ZFX: variants seen among roughly 807,000 people sequenced by gnomAD.
The protein encoded by ZFX is zinc finger X-chromosomal protein.
For missense variants in ZFX, 362 were observed against 628.3 expected (o/e 0.58, Z 4.53); for synonymous variants, 196 against 226.8 (o/e 0.86, Z 1.22).
At chrX:24,150,438 C>T (rs1049455304) in intron 1 of ZFX, 2 of 112,567 alleles carry the variant, frequency 1.8e-5, no homozygotes, top group African/African-American at 6.4e-5. Context: ...TTGCCCTTGC[C>T]GCCATGATGA....
intron 3 of ZFX, among the ~76,000 whole-genome samples, chrX:24,167,720 AAGAC>A (rs1481353128): frequency 8.9e-6 from 1 of 112,447 alleles, no homozygotes; most frequent in African/African-American, 3.2e-5. Context: ...GTGTAGTAGA[AAGAC>A]AAAATCTGAG....
intron 3 of ZFX, among the ~76,000 whole-genome samples, chrX:24,160,408 C>T (rs1453642091): frequency 9.3e-6 from 1 of 107,050 alleles, no homozygotes; most frequent in African/African-American, 3.4e-5. Context: ...AAGCGATTCT[C>T]TTGCCTCAGC....
intron 1 of ZFX, chrX:24,150,576 A>T (rs1283228803): frequency 8.8e-6 from 1 of 113,056 alleles, no homozygotes; most frequent in Non-Finnish European, 1.9e-5. Context: ...CGCCGCCCGG[A>T]CGCCGGGACC....
intron 5 of ZFX, among the ~76,000 whole-genome samples, chrX:24,183,417 C>T (rs748570950): frequency 1.8e-5 from 2 of 111,696 alleles, no homozygotes; most frequent in South Asian, 7.5e-4. Context: ...AACTCCTGAC[C>T]TCAGGTGATC....
intron 3 of ZFX, chrX:24,161,678 TTTTC>T (rs1933333325): frequency 1.0e-5 from 1 of 97,230 alleles, no homozygotes; most frequent in African/African-American, 4.0e-5. Context: ...ATATTCTTTT[TTTTC>T]TTTTTCTTTC....
At chrX:24,159,787 G>A (rs1569124133) in intron 3 of ZFX, among the ~76,000 whole-genome samples, 1 of 111,610 alleles carries the variant, frequency 9.0e-6, no homozygotes, top group Admixed American at 9.5e-5. Flanking sequence ...CGAGCGAGAC[G>A]ATCTGTTTCT....
At chrX:24,209,158 G>A (rs1937852429) in intron 9 of ZFX, 118 bp downstream of exon 9, 2 of 1,015,047 alleles carry the variant, frequency 2.0e-6, no homozygotes, top group Admixed American at 7.0e-5. Flanking sequence ...ATATAGCTTT[G>A]TCTATTGAAC....
chrX:24,199,898 C>T (rs929184057), intron 5 of ZFX, among the ~76,000 whole-genome samples: 1 of 103,752 alleles, frequency 9.6e-6, no homozygotes, highest in South Asian at 4.3e-4. Context: ...GTCTGGGCAA[C>T]AAGAGCGAAA....
intron 3 of ZFX, among the ~76,000 whole-genome samples, chrX:24,159,853 A>C (rs1236143489): frequency 9.0e-6 from 1 of 111,730 alleles, no homozygotes; most frequent in Non-Finnish European, 1.9e-5. Flanking sequence ...TTGAGTGTAA[A>C]TTTGTGGTTT....
intron 3 of ZFX, among the ~76,000 whole-genome samples, chrX:24,153,193 A>T (rs760320877): frequency 2.2e-4 from 24 of 110,745 alleles, no homozygotes; most frequent in Non-Finnish European, 1.9e-5. Context: ...ACTTTTTTTC[A>T]CTCTTAAAAC....
intron 5 of ZFX, among the ~76,000 whole-genome samples, chrX:24,206,380 T>G (rs948015330): frequency 1.8e-5 from 2 of 110,647 alleles, no homozygotes; most frequent in Non-Finnish European, 3.8e-5. Flanking sequence ...TTTGTTGTTG[T>G]TTTGAGACAG....
intron 5 of ZFX, among the ~76,000 whole-genome samples, chrX:24,193,547 T>C (rs1430913720): frequency 8.9e-6 from 1 of 111,983 alleles, no homozygotes. Flanking sequence ...TTGTACACTT[T>C]AAAATGGATA....
Position 24,212,253 on chromosome X carries a change from A to G in ZFX, c.*877A>G, listed in dbSNP as rs1938141574. On this transcript the variant is annotated 3_prime_UTR_variant, in exon 10 of 10. Coordinates refer to ENST00000304543, the MANE Select transcript of ZFX (RefSeq NM_003410.4). ...CTGAATTATATATATACACATATAT[A>G]TCATGTACCTGTGTGTATTGCTTAT... The G allele has an allele frequency of 1.8e-5, 2 of 111,794 alleles. No homozygotes were observed. The highest frequency in any genetic ancestry group is 6.5e-5 in the African/African-American group (2 of 30,686). The allele number at this position is 111,794 out of a possible 1,213,427, so 9.2% of individuals were successfully genotyped here. A position where few individuals can be genotyped will look rare whatever the true frequency, so the allele number is the denominator to read the frequency against.
chrX:24,210,929 G>A lies in ZFX; in HGVS notation c.1971G>A (p.Thr657=), dbSNP rs1569173330. 4 of 1,211,492 alleles carry A rather than the reference G, an allele frequency of 3.3e-6. No homozygotes were observed. The highest frequency in any genetic ancestry group is 1.8e-5 in the South Asian group (1 of 56,966). Residue 657 remains threonine, a synonymous_variant, in exon 10 of 10, where the codon ACG becomes ACA. Coordinates refer to ENST00000304543, the MANE Select transcript of ZFX (RefSeq NM_003410.4). ...AACGACACATAATTTCAGTTCACAC[G>A]AAAGACTACCCCCATAAGTGTGACA... ...DLKRHIISVH[T]KDYPHKCDMC...
chrX:24,207,701 CTGAT>C lies in ZFX; in HGVS notation c.797-6_797-3del, dbSNP rs762918556. ...TAAATTATTGAAGCTGTCTTCTTCC[CTGAT>C]TGATAGGTGGAACTGTAGACATTGT... On this transcript the variant is annotated splice_polypyrimidine_tract_variant and splice_region_variant and intron_variant, in intron 6 of 9. Transcript: ENST00000304543. 0.01 allele frequency: 12,524 copies of C among 1,204,576 alleles called. 55 individuals are homozygous for C. The highest frequency in any genetic ancestry group is 0.012 in the Non-Finnish European group (11,034 of 893,478).
At chrX:24,185,490 G>A (rs1441831181) in intron 5 of ZFX, among the ~76,000 whole-genome samples, 4 of 110,859 alleles carry the variant, frequency 3.6e-5, no homozygotes, top group East Asian at 2.8e-4. Context: ...TTGCTCTGTC[G>A]CCCAGGCTGG....
chrX:24,155,074 G>A (rs778193454), intron 3 of ZFX, among the ~76,000 whole-genome samples: 4 of 110,582 alleles, frequency 3.6e-5, no homozygotes, highest in Admixed American at 1.9e-4. Flanking sequence ...ATAAACCCCC[G>A]TGACAGAAGT....
intron 3 of ZFX, among the ~76,000 whole-genome samples, chrX:24,163,086 A>G (rs1933530103): frequency 9.1e-6 from 1 of 109,993 alleles, no homozygotes; most frequent in South Asian, 3.8e-4. Context: ...CTTTAAATCA[A>G]AAGTAGGCGT....
intron 1 of ZFX, chrX:24,150,167 T>C (rs1282538609): frequency 1.5e-4 from 11 of 73,321 alleles, no homozygotes; most frequent in African/African-American, 5.7e-4. Flanking sequence ...ATTTTCGCTA[T>C]GTAAATATCG....
Sources: allele counts gnomAD v4.1 joint callset (sites outside exome capture counted in the v4.1 genomes callset), GRCh38; gene constraint gnomAD v4.1.1; transcripts MANE v1.5; gene names NCBI Gene and HGNC (gene_info 2026-07-23, HGNC 2026-07-21).